Variants in EPB41L4A observed in about 807,000 individuals in gnomAD.
EPB41L4A encodes the protein band 4.1-like protein 4A.
EPB41L4A carries 100 observed loss-of-function variants against 108.6 expected under a neutral mutation model. The observed-to-expected ratio is 0.92, with a 90% confidence interval of 0.78 to 1.09. The LOEUF (loss-of-function observed/expected upper bound fraction) is 1.09. Ranked by LOEUF, EPB41L4A falls within the 50% of genes least tolerant of loss-of-function variation. EPB41L4A has a pLI of 0.00. For synonymous variants in EPB41L4A, 319 were observed against 289.0 expected (o/e 1.10, Z -1.05); for missense variants, 1,030 against 842.7 (o/e 1.22, Z -2.75).
chr5:112,327,157 C>A (rs1756222478), intron 1 of EPB41L4A, among the ~76,000 whole-genome samples: 1 of 152,128 alleles, frequency 6.6e-6, no homozygotes, highest in Non-Finnish European at 1.5e-5. Context: ...CCCTGGCCTT[C>A]TAAGTGCATG....
intron 12 of EPB41L4A, among the ~76,000 whole-genome samples, chr5:112,218,732 C>T (rs1747825512): frequency 6.6e-6 from 1 of 152,154 alleles, no homozygotes; most frequent in African/African-American, 2.4e-5. Flanking sequence ...TTAGCTAAGG[C>T]AAAATTGGGA....
intron 12 of EPB41L4A, among the ~76,000 whole-genome samples, chr5:112,213,534 A>G (rs1213317319): frequency 6.6e-6 from 1 of 152,046 alleles, no homozygotes; most frequent in African/African-American, 2.4e-5. Flanking sequence ...TTTTTAGTAG[A>G]GATGGGGTTT....
intron 17 of EPB41L4A, among the ~76,000 whole-genome samples, chr5:112,189,522 T>G (rs1434189013): frequency 6.6e-6 from 1 of 152,202 alleles, no homozygotes; most frequent in Non-Finnish European, 1.5e-5. Context: ...ACATGACTCA[T>G]GTTTATGATG....
chr5:112,145,180 C>T (rs563457793), intron 13 of EPB41L4A, among the ~76,000 whole-genome samples: 44 of 152,230 alleles, frequency 2.9e-4, no homozygotes, highest in African/African-American at 1.1e-3. Context: ...ATCCCAGCTA[C>T]TTGGGAGGCT....
chr5:112,404,700 A>G lies in EPB41L4A; in HGVS notation c.99+14241T>C, dbSNP rs112868245. On this transcript the variant is annotated intron_variant, in intron 1 of 22. Transcript: ENST00000261486. ...GAAAAGTATTTTCATCAAGCTGATTATTTCTCAAAGCATAACTCTAGATTT... is the reference window on the plus strand; with the variant it reads ...GAAAAGTATTTTCATCAAGCTGATTGTTTCTCAAAGCATAACTCTAGATTT... Among the ~76,000 whole-genome samples, 656 of 152,268 alleles carry G rather than the reference A, an allele frequency of 4.3e-3. 3 individuals carry two copies. Among genetic ancestry groups the G allele is most frequent in the African/African-American group, 0.014 (600 of 41,552 alleles).
chr5:112,204,665 A>C, intron 14 of EPB41L4A, 177 bp from the exon 15 acceptor site: 1 of 468,846 alleles, frequency 2.1e-6, no homozygotes, highest in Non-Finnish European at 3.9e-6. Context: ...GATCTGGCAA[A>C]TCAAATCATA....
rs144074166 is a variant in EPB41L4A, at chr5:112,192,979, T to A, written c.1502+1589A>T. Among the ~76,000 whole-genome samples the A allele has an allele frequency of 2.1e-3, 319 of 152,344 alleles. 2 individuals carry two copies. Among genetic ancestry groups the A allele is most frequent in the African/African-American group, 7.1e-3 (297 of 41,580 alleles). ...TTGCGCAGAAATACTGAATTTTTTA[T>A]CAGAAAGAGGATACTTAAGAAGGAG... On this transcript the variant is annotated intron_variant, in intron 17 of 22. Coordinates refer to ENST00000261486, the MANE Select transcript of EPB41L4A (RefSeq NM_022140.5).
chr5:112,409,299 A>C (rs1161602856), intron 1 of EPB41L4A, among the ~76,000 whole-genome samples: 1 of 152,162 alleles, frequency 6.6e-6, no homozygotes, highest in Non-Finnish European at 1.5e-5. Flanking sequence ...AGAGACAGAA[A>C]GATTAGTGGT....
chr5:112,355,368 T>C (rs1355936440), intron 1 of EPB41L4A, among the ~76,000 whole-genome samples: 1 of 152,230 alleles, frequency 6.6e-6, no homozygotes, highest in Non-Finnish European at 1.5e-5. Flanking sequence ...AAATTAAGTA[T>C]GAAATTTCTT....
chr5:112,282,869 G>T (rs1486985306), intron 2 of EPB41L4A, among the ~76,000 whole-genome samples: 1 of 152,076 alleles, frequency 6.6e-6, no homozygotes, highest in Non-Finnish European at 1.5e-5. Context: ...CATCCCAAAA[G>T]ACAACCTTTG....
intron 2 of EPB41L4A, among the ~76,000 whole-genome samples, chr5:112,282,855 T>C (rs972829851): frequency 1.3e-5 from 2 of 152,226 alleles, no homozygotes; most frequent in African/African-American, 4.8e-5. Context: ...CCTATCATCA[T>C]CATCATCCCA....
intron 2 of EPB41L4A, among the ~76,000 whole-genome samples, chr5:112,298,731 C>A (rs532432240): frequency 6.6e-6 from 1 of 152,096 alleles, no homozygotes; most frequent in Non-Finnish European, 1.5e-5. Context: ...GGTATTAATT[C>A]TTCTTTGAAT....
intron 4 of EPB41L4A, among the ~76,000 whole-genome samples, chr5:112,267,493 G>T (rs968159875): frequency 1.3e-5 from 2 of 152,086 alleles, no homozygotes; most frequent in African/African-American, 4.8e-5. Flanking sequence ...AATGTCCCAT[G>T]TTTCCCCACT....
At chr5:112,151,032 T>A (rs749258943) in intron 12 of EPB41L4A, among the ~76,000 whole-genome samples, 1 of 152,128 alleles carries the variant, frequency 6.6e-6, no homozygotes, top group Non-Finnish European at 1.5e-5. Flanking sequence ...TGGGGAGGGA[T>A]CTGAGATTCT....
chr5:112,355,113 A>G (rs17134382), intron 1 of EPB41L4A, among the ~76,000 whole-genome samples: 7,657 of 152,250 alleles, frequency 0.05, 566 homozygotes, highest in African/African-American at 0.16. Flanking sequence ...AAAGACATGA[A>G]CACAGATTTA....
chr5:112,207,674 G>C (rs1372806337), intron 13 of EPB41L4A, among the ~76,000 whole-genome samples: 1 of 152,120 alleles, frequency 6.6e-6, no homozygotes, highest in Non-Finnish European at 1.5e-5. Context: ...ATGAAAAAAT[G>C]CTCAACATCA....
intron 9 of EPB41L4A, among the ~76,000 whole-genome samples, chr5:112,248,000 T>C (rs536793179): frequency 6.6e-6 from 1 of 152,274 alleles, no homozygotes; most frequent in African/African-American, 2.4e-5. Context: ...TACAAATATA[T>C]TAAAGGATCA....
intron 1 of EPB41L4A, among the ~76,000 whole-genome samples, chr5:112,391,538 G>A (rs976098553): frequency 1.3e-5 from 2 of 152,180 alleles, no homozygotes; most frequent in South Asian, 2.1e-4. Flanking sequence ...AGAAAAAAGA[G>A]TAAAAAGAAA....
At chr5:112,317,595 A>C (rs1755510976) in intron 1 of EPB41L4A, among the ~76,000 whole-genome samples, 1 of 152,140 alleles carries the variant, frequency 6.6e-6, no homozygotes, top group Non-Finnish European at 1.5e-5. Flanking sequence ...GTTATTTTTC[A>C]TTTGCCCTTC....
Sources: gnomAD v4.1 joint callset for allele counts (sites outside exome capture counted in the v4.1 genomes callset) on GRCh38, gnomAD v4.1.1 for gene constraint, MANE v1.5 for transcripts, NCBI Gene and HGNC (gene_info 2026-07-23, HGNC 2026-07-21) for gene names.